The following PTGER3 variants were observed in gnomAD, a reference collection of about 807,000 sequenced individuals.
PTGER3 encodes prostaglandin E receptor 3, also known as prostaglandin E2 receptor EP3 subtype.
A neutral mutation model predicts 34.7 loss-of-function variants in PTGER3; 22 were observed. The ratio of observed to expected loss-of-function variants is 0.63; its 90% confidence interval spans 0.45 to 0.91. The LOEUF is 0.91. Ranked by LOEUF, PTGER3 falls within the 40% of genes least tolerant of loss-of-function variation. The pLI is 0.00. For missense variants in PTGER3, 468 were observed against 519.4 expected, an observed-to-expected ratio of 0.90 and a Z score of 0.96; for synonymous variants, 241 against 230.1, an observed-to-expected ratio of 1.05 and a Z score of -0.43.
intron 4 of PTGER3, among the ~76,000 whole-genome samples, chr1:70,861,679 G>A (rs7540868): frequency 0.58 from 88,603 of 151,692 alleles, 26,224 homozygotes; most frequent in East Asian, 0.82. Context: ...GGATGCAATG[G>A]GAATCTTCAT....
rs1197310256 is a variant in PTGER3, at chr1:70,901,077, G to A, written c.*24-48218C>T. Among the ~76,000 whole-genome samples the A allele has an allele frequency of 3.3e-5, 5 of 152,270 alleles. No homozygotes were observed. The East Asian group carries it at 9.7e-4, about 29-fold the overall frequency. ...ATGTCCAAGCCCATAGGAAAAACAG[G>A]AAGAGAAAACCCCTTAGTCTCCTGG... On this transcript the variant is annotated intron_variant, in intron 4 of 4. Coordinates refer to the PTGER3 transcript ENST00000370931.
intron 4 of PTGER3, among the ~76,000 whole-genome samples, chr1:70,927,846 C>T (rs1483841264): frequency 3.9e-5 from 6 of 152,060 alleles, no homozygotes; most frequent in Non-Finnish European, 5.9e-5. Flanking sequence ...GAAATTGTAA[C>T]TGACACACAG....
chr1:71,028,110 G>T (rs1289512788), intron 1 of PTGER3, among the ~76,000 whole-genome samples: 1 of 152,146 alleles, frequency 6.6e-6, no homozygotes, highest in Non-Finnish European at 1.5e-5. Context: ...CCTGCTCATG[G>T]ACATAGTTAT....
At chr1:71,010,733 A>T in intron 2 of PTGER3, 2 of 985,188 alleles carry the variant, frequency 2.0e-6, no homozygotes, top group Non-Finnish European at 2.4e-6. Flanking sequence ...AGATTAGTAG[A>T]ACCATCATTA....
chr1:70,864,687 T>C (rs1646002918), intron 4 of PTGER3, among the ~76,000 whole-genome samples: 1 of 152,216 alleles, frequency 6.6e-6, no homozygotes, highest in African/African-American at 2.4e-5. Context: ...AATTCTTATA[T>C]AATCCTTACT....
intron 2 of PTGER3, chr1:71,006,430 C>T: frequency 1.0e-6 from 1 of 985,402 alleles, no homozygotes; most frequent in Non-Finnish European, 1.2e-6. Flanking sequence ...CAATACTCAG[C>T]TCACACCAAA....
intron 2 of PTGER3, among the ~76,000 whole-genome samples, chr1:70,957,505 T>C (rs564837824): frequency 1.5e-4 from 23 of 152,344 alleles, no homozygotes; most frequent in African/African-American, 4.8e-4. Flanking sequence ...AACTTCCAGA[T>C]AATACAGGGT....
At chr1:70,954,005 T>C (rs973178463) in intron 2 of PTGER3, among the ~76,000 whole-genome samples, 1 of 152,140 alleles carries the variant, frequency 6.6e-6, no homozygotes, top group Non-Finnish European at 1.5e-5. Context: ...TCCCCTCGGT[T>C]CTGCCTACCA....
chr1:70,956,997 T>C (rs1651411731), intron 2 of PTGER3, among the ~76,000 whole-genome samples: 1 of 152,136 alleles, frequency 6.6e-6, no homozygotes, highest in South Asian at 2.1e-4. Context: ...TCTGTCTTAA[T>C]AATAGTAACA....
chr1:70,864,110 C>A (rs933743138), intron 4 of PTGER3, among the ~76,000 whole-genome samples: 2 of 152,172 alleles, frequency 1.3e-5, no homozygotes, highest in Non-Finnish European at 2.9e-5. Context: ...TACCTCAGAG[C>A]TTTACACATG....
At chr1:70,993,913 G>T (rs1655693160) in intron 2 of PTGER3, among the ~76,000 whole-genome samples, 1 of 152,208 alleles carries the variant, frequency 6.6e-6, no homozygotes, top group Admixed American at 6.5e-5. Flanking sequence ...TGCCCCAAAA[G>T]GAGGTGGTCA....
chr1:70,997,603 T>G (rs1417015420), intron 2 of PTGER3, among the ~76,000 whole-genome samples: 1 of 152,174 alleles, frequency 6.6e-6, no homozygotes, highest in Admixed American at 6.5e-5. Context: ...TAGCTCTTTT[T>G]AAAAAAACAT....
chr1:70,923,082 T>A (rs1647704454), intron 4 of PTGER3, among the ~76,000 whole-genome samples: 1 of 152,154 alleles, frequency 6.6e-6, no homozygotes, highest in Non-Finnish European at 1.5e-5. Context: ...TATTTGTCTA[T>A]AAGGTTTTAT....
chr1:70,956,805 A>G (rs986772120), intron 2 of PTGER3, among the ~76,000 whole-genome samples: 18 of 152,100 alleles, frequency 1.2e-4, no homozygotes, highest in Non-Finnish European at 1.8e-4. Context: ...GGGGTTCGAG[A>G]ACAGCCTGGC....
intron 4 of PTGER3, among the ~76,000 whole-genome samples, chr1:70,911,555 C>G (rs1557649405): frequency 6.6e-6 from 1 of 151,996 alleles, no homozygotes; most frequent in African/African-American, 2.4e-5. Flanking sequence ...TAAAAGTACT[C>G]AGAAAGTGTG....
chr1:70,950,546 A>T (rs915710382), downstream of PTGER3, among the ~76,000 whole-genome samples: 2 of 152,188 alleles, frequency 1.3e-5, no homozygotes, highest in African/African-American at 4.8e-5. Flanking sequence ...AAACAAAATC[A>T]GACTAAAAAC....
In PTGER3 at chr1:70,975,988, T is replaced by A. The variant is rs192957007; in HGVS notation, c.1078-1600A>T. 3.3e-5 allele frequency among the ~76,000 whole-genome samples: 5 copies of A among 152,238 alleles called. No individual in the cohort carries two copies. In the East Asian group the frequency reaches 9.7e-4, roughly 29 times the overall value. ...TGCTATTATGCTGCTTGGTTCTTAT[T>A]TAGAGGCCTGCTTTAACTAAGGAAA... is the stretch of plus-strand genomic sequence containing the variant. On this transcript the variant is annotated intron_variant, in intron 2 of 3. Transcript: ENST00000306666.
At chr1:71,031,201 A>G (rs967144403) in intron 1 of PTGER3, among the ~76,000 whole-genome samples, 1 of 151,724 alleles carries the variant, frequency 6.6e-6, no homozygotes, top group Admixed American at 6.6e-5. Context: ...GCGCTCCACC[A>G]GTCTCACTGC....
rs781642295 is a variant in PTGER3 at position 70,974,356 on chromosome 1, G to A, written c.1110C>T (p.Ser370=). ...AACACTGGCAGGGTAAGGAGGTGGAGCTGGATGCATAGTTGTTTGTGTGGT... is the reference window on the plus strand; with the variant it reads ...AACACTGGCAGGGTAAGGAGGTGGAACTGGATGCATAGTTGTTTGTGTGGT... The part of the protein sequence containing the change: ...IRYHTNNYAS[S]STSLPCQCSS... The change falls in exon 3 of 4, where the codon AGC becomes AGT. Residue 370 remains serine, a synonymous_variant. Transcript: ENST00000306666. 1 of 1,242,200 alleles carries A rather than the reference G, an allele frequency of 8.1e-7. No individual in the cohort carries two copies. The highest frequency in any genetic ancestry group is 1.5e-5 in the African/African-American group (1 of 67,374). 76.9% of individuals were successfully genotyped at this position (1,242,200 alleles called of 1,614,324 possible).
Sources: allele counts gnomAD v4.1 joint callset (sites outside exome capture counted in the v4.1 genomes callset), GRCh38; gene constraint gnomAD v4.1.1; transcripts MANE v1.5; gene names NCBI Gene and HGNC (gene_info 2026-07-23, HGNC 2026-07-21).